The following PHLPP1 variants were observed in gnomAD, a reference collection of about 807,000 sequenced individuals.
PHLPP1 encodes PH domain and leucine rich repeat protein phosphatase 1, also known as PH domain leucine-rich repeat-containing protein phosphatase 1.
A neutral mutation model predicts 117.2 loss-of-function variants in PHLPP1; 42 were observed. The ratio of observed to expected loss-of-function variants is 0.36; its 90% CI spans 0.28 to 0.46. The LOEUF is 0.46. Ranked by LOEUF, PHLPP1 falls within the 20% of genes least tolerant of loss-of-function variation. The pLI is 1.00. For missense variants in PHLPP1, 2,084 were observed against 2,241.9 expected (o/e 0.93, Z 1.42); for synonymous variants, 1,042 against 970.7 (o/e 1.07, Z -1.37).
At position 62,737,907 on chromosome 18, in the gene PHLPP1, A is replaced by AG. The variant is rs141243841; in HGVS notation, c.1576+20654dup. 7.7e-3 allele frequency among the ~76,000 whole-genome samples: 1,173 copies of AG among 152,142 alleles called. 18 individuals are homozygous for AG. The highest frequency in any genetic ancestry group is 0.027 in the African/African-American group (1,124 of 41,486). ...GGTTTTAATGAATGATTATATGTGG[A>AG]GGGGGGAAGGGCAGTTCAGGATTTT... is the stretch of plus-strand genomic sequence containing the variant. On this transcript the variant is annotated intron_variant, in intron 1 of 16. Coordinates refer to ENST00000262719, the MANE Select transcript of PHLPP1 (RefSeq NM_194449.4).
chr18:62,860,361 A>G, intron 3 of PHLPP1, 74 bp from the exon 4 acceptor site: 4 of 1,248,224 alleles, frequency 3.2e-6, no homozygotes, highest in Non-Finnish European at 4.6e-6. Flanking sequence ...AATTGGGATT[A>G]TCTTATTTCT....
chr18:62,841,170 G>T (rs1915040698), intron 3 of PHLPP1, among the ~76,000 whole-genome samples: 1 of 152,146 alleles, frequency 6.6e-6, no homozygotes, highest in Admixed American at 6.5e-5. Flanking sequence ...CTATAGGCGT[G>T]AGCCACTGCG....
At chr18:62,881,407 G>T (rs939588932) in intron 4 of PHLPP1, among the ~76,000 whole-genome samples, 1 of 151,686 alleles carries the variant, frequency 6.6e-6, no homozygotes, top group Non-Finnish European at 1.5e-5. Flanking sequence ...TTTTAGCTTT[G>T]GTAAATTTAT....
At chr18:62,922,397 A>G (rs760141197) in intron 10 of PHLPP1, among the ~76,000 whole-genome samples, 14 of 152,236 alleles carry the variant, frequency 9.2e-5, no homozygotes, top group Non-Finnish European at 2.1e-4. Context: ...TTGGCCTCCC[A>G]AAGTGCTGGG....
intron 4 of PHLPP1, among the ~76,000 whole-genome samples, chr18:62,877,752 G>A (rs996942080): frequency 1.3e-5 from 2 of 152,164 alleles, no homozygotes; most frequent in African/African-American, 4.8e-5. Flanking sequence ...TTTGAGCAAA[G>A]CAGAGCCGGC....
chr18:62,733,333 C>G (rs1459663400), intron 1 of PHLPP1, among the ~76,000 whole-genome samples: 5 of 152,122 alleles, frequency 3.3e-5, no homozygotes, highest in Admixed American at 6.5e-5. Flanking sequence ...TTGTTAGTAC[C>G]TTTTAGTAGT....
chr18:62,827,494 T>G (rs1914641860), intron 1 of PHLPP1, among the ~76,000 whole-genome samples: 1 of 152,352 alleles, frequency 6.6e-6, no homozygotes, highest in African/African-American at 2.4e-5. Flanking sequence ...GGTGATTGTC[T>G]AGGTATATAT....
At chr18:62,831,121 A>G (rs1914746677) in intron 2 of PHLPP1, among the ~76,000 whole-genome samples, 1 of 152,132 alleles carries the variant, frequency 6.6e-6, no homozygotes, top group Non-Finnish European at 1.5e-5. Context: ...TTTTATTGCT[A>G]TTATTTATAA....
chr18:62,879,357 T>G (rs1483747422), intron 4 of PHLPP1, among the ~76,000 whole-genome samples: 3 of 152,092 alleles, frequency 2.0e-5, no homozygotes, highest in African/African-American at 7.2e-5. Flanking sequence ...TTCAGAACTG[T>G]GAGAAATCAA....
At chr18:62,808,718 A>C (rs1215203060) in intron 1 of PHLPP1, among the ~76,000 whole-genome samples, 10 of 151,832 alleles carry the variant, frequency 6.6e-5, no homozygotes, top group Admixed American at 3.9e-4. Context: ...AGCCCGGCTA[A>C]TTTTTTTATA....
At chr18:62,766,076 A>AAAAAAATATATATATATATATATAT in intron 1 of PHLPP1, among the ~76,000 whole-genome samples, 8 of 21,646 alleles carry the variant, frequency 3.7e-4, no homozygotes, top group Non-Finnish European at 5.1e-4. Context: ...AAAAAAAAAA[A>AAAAAAATATATATATATATATATAT]ATATATATAT....
chr18:62,870,378 A>G (rs1039488554), intron 4 of PHLPP1, among the ~76,000 whole-genome samples: 1 of 152,216 alleles, frequency 6.6e-6, no homozygotes, highest in Admixed American at 6.5e-5. Context: ...TGTATTTAAG[A>G]AAGTCATGTT....
At chr18:62,958,584 T>G in intron 12 of PHLPP1, 45 bp from the exon 13 acceptor site, 2 of 1,608,394 alleles carry the variant, frequency 1.2e-6, no homozygotes, top group Non-Finnish European at 1.7e-6. Flanking sequence ...CCTGAAGAGC[T>G]TCTCTAGACC....
chr18:62,755,498 T>C (rs2144240708), intron 1 of PHLPP1, among the ~76,000 whole-genome samples: 1 of 152,202 alleles, frequency 6.6e-6, no homozygotes, highest in South Asian at 2.1e-4. Flanking sequence ...TGGGGGTGAT[T>C]AGGTCATGAG....
At chr18:62,785,200 C>T (rs1042692076) in intron 1 of PHLPP1, among the ~76,000 whole-genome samples, 35 of 152,166 alleles carry the variant, frequency 2.3e-4, no homozygotes, top group African/African-American at 8.4e-4. Flanking sequence ...AATTATAGTG[C>T]CGTGGCTGCC....
intron 1 of PHLPP1, among the ~76,000 whole-genome samples, chr18:62,717,710 G>A (rs2122041087): frequency 6.6e-6 from 1 of 152,232 alleles, no homozygotes; most frequent in African/African-American, 2.4e-5. Flanking sequence ...GAGCGTTCTA[G>A]CTGTATGTGC....
At chr18:62,737,664 T>C (rs371011386) in intron 1 of PHLPP1, among the ~76,000 whole-genome samples, 4 of 152,066 alleles carry the variant, frequency 2.6e-5, no homozygotes, top group Non-Finnish European at 5.9e-5. Flanking sequence ...GTACAAGGTA[T>C]TTGTCATTCC....
chr18:62,800,140 G>A (rs915884808), intron 1 of PHLPP1, among the ~76,000 whole-genome samples: 2 of 152,094 alleles, frequency 1.3e-5, no homozygotes, highest in African/African-American at 4.8e-5. Flanking sequence ...CTAATAGGGA[G>A]GGTGTCCGGA....
chr18:62,809,793 T>C (rs1188622450), intron 1 of PHLPP1, among the ~76,000 whole-genome samples: 1 of 152,194 alleles, frequency 6.6e-6, no homozygotes, highest in Admixed American at 6.5e-5. Flanking sequence ...GTTTTTACCC[T>C]AGATGCTGGT....
Sources: gnomAD v4.1 joint callset for allele counts (sites outside exome capture counted in the v4.1 genomes callset) on GRCh38, gnomAD v4.1.1 for gene constraint, MANE v1.5 for transcripts, NCBI Gene and HGNC (gene_info 2026-07-23, HGNC 2026-07-21) for gene names.